SZT2: variants seen among roughly 807,000 people sequenced by gnomAD.
SZT2 encodes SZT2 subunit of KICSTOR complex.
Under a neutral mutation model 404.2 loss-of-function variants are expected in SZT2, and 216 were observed. The ratio of observed to expected loss-of-function variants is 0.53; its 90% confidence interval spans 0.48 to 0.60. The LOEUF (loss-of-function observed/expected upper bound fraction) is 0.60, where lower values mean the gene tolerates loss of function less well. SZT2 is among the 20% of genes least tolerant of loss of function. The probability of loss-of-function intolerance (pLI) is 0.00; values close to 1 mark genes in which losing one functional copy is unlikely to be tolerated. For missense variants in SZT2, 3,857 were observed against 4,459.2 expected, an observed-to-expected ratio of 0.86 and a Z score of 3.85; for synonymous variants, 1,693 against 1,749.9, an observed-to-expected ratio of 0.97 and a Z score of 0.81.
At position 43,425,115 on chromosome 1, in the gene SZT2, T is replaced by A. The variant is rs749513829; in HGVS notation, c.2553T>A (p.Asn851Lys). The A allele has an allele frequency of 2.5e-6, 4 of 1,614,172 alleles. No individual in the cohort carries two copies. The highest frequency in any genetic ancestry group is 3.4e-6 in the Non-Finnish European group (4 of 1,180,006). ...AAGATCTCCCATTTTGCCCACAGAA[T>A]GAACCACCAGGGCAGGCTGCAGCTG... ...INMVLELPIQNEPPGQAAAEE... is the reference protein window; with the variant it reads ...INMVLELPIQKEPPGQAAAEE... Residue 851 changes from asparagine to lysine, a missense_variant and splice_region_variant, in exon 18 of 72, where the codon AAT (asparagine) becomes AAA (lysine). Coordinates refer to ENST00000634258, the MANE Select transcript of SZT2 (RefSeq NM_001365999.1). The surrounding 1 kb of genome is among the most constrained non-coding windows in gnomAD (Gnocchi z 4.3).
At chr1:43,417,116 G>A (rs887511937) in intron 7 of SZT2, among the ~76,000 whole-genome samples, 4 of 152,172 alleles carry the variant, frequency 2.6e-5, no homozygotes, top group African/African-American at 7.2e-5. Flanking sequence ...TTATTAATGA[G>A]GTTAAGCATG....
chr1:43,438,236 G>A (rs932264575), intron 46 of SZT2: 2 of 364,416 alleles, frequency 5.5e-6, no homozygotes, highest in Non-Finnish European at 1.0e-5. Context: ...GGGAAGGGGA[G>A]CTGGGGTGGC....
chr1:43,401,642 C>T (rs1233706552), intron 1 of SZT2, among the ~76,000 whole-genome samples: 4 of 152,078 alleles, frequency 2.6e-5, no homozygotes, highest in South Asian at 2.1e-4. Flanking sequence ...CCTGCCACCA[C>T]GCCTAGCTAA....
intron 34 of SZT2, 28 bp from the exon 35 acceptor site, chr1:43,431,432 C>G: frequency 1.2e-6 from 2 of 1,613,964 alleles, no homozygotes; most frequent in Non-Finnish European, 1.7e-6. Context: ...TTTCTGGAAA[C>G]CAATATCTAA....
At chr1:43,444,881 G>C (rs929160157) in intron 62 of SZT2, among the ~76,000 whole-genome samples, 1 of 152,132 alleles carries the variant, frequency 6.6e-6, no homozygotes. Context: ...TCTGTTTTCA[G>C]TTAGAACCTT....
In SZT2 at chr1:43,425,456, G is replaced by A; in HGVS notation, c.2646-18G>A. 6.2e-7 allele frequency: 1 copy of A among 1,613,890 alleles called. No homozygotes were observed. Reference sequence around the variant, plus strand: ...GCCATGAGGCTGTGCATTGGACTCAGAGCCCTTCCTCCTTTAGCTTCTCGA... The same window carrying A: ...GCCATGAGGCTGTGCATTGGACTCAAAGCCCTTCCTCCTTTAGCTTCTCGA... On this transcript the variant is annotated intron_variant, in intron 18 of 71. Transcript: ENST00000634258. This position sits in a 1 kb window ranked among gnomAD's most constrained non-coding sequence, Gnocchi z 4.3.
rs748614080 is a variant in SZT2 at position 43,434,401 on chromosome 1, G to A, written c.5820G>A (p.Glu1940=). The stretch of plus-strand genomic sequence containing the variant: ...TCCTTCCCAGGAGCCTGATTCGGGA[G>A]GATGGGGGGCCGGGCACTGAGTGTC... ...VYAHARSLIR[E]DGGPGTECRH... is the part of the protein sequence containing the mutation. The change falls in exon 41 of 72, where the codon GAG becomes GAA. Residue 1940 remains glutamate, a synonymous_variant. Transcript: ENST00000634258. 3.1e-6 allele frequency: 5 copies of A among 1,595,658 alleles called. No homozygotes were observed. The highest frequency in any genetic ancestry group is 1.3e-5 in the African/African-American group (1 of 74,966).
chr1:43,447,754 AC>A (rs1206910120), intron 67 of SZT2, 56 bp downstream of exon 67: 1 of 1,610,484 alleles, frequency 6.2e-7, no homozygotes, highest in Non-Finnish European at 8.5e-7. Context: ...GTTGGGACAT[AC>A]TTGCAGTAGG....
chr1:43,430,417 G>A (rs748970210), intron 31 of SZT2, 28 bp downstream of exon 31: 1 of 1,604,144 alleles, frequency 6.2e-7, no homozygotes, highest in Non-Finnish European at 8.5e-7. Context: ...TCAAGGTGGG[G>A]AAGGCTGGCT....
Position 43,437,422 on chromosome 1 carries a change from C to T in SZT2, c.6204C>T (p.Arg2068=). ...TTCCCCCAGCCATCCAGGCCCTGCGCTCTGTGCTCAATGCCTTCTCTGTGG... is the reference window on the plus strand; with the variant it reads ...TTCCCCCAGCCATCCAGGCCCTGCGTTCTGTGCTCAATGCCTTCTCTGTGG... ...MGVSRAIQAL[R]SVLNAFSVVN... Residue 2068 remains arginine, a synonymous_variant, in exon 44 of 72, where the codon CGC becomes CGT. Coordinates refer to ENST00000634258, the MANE Select transcript of SZT2 (RefSeq NM_001365999.1). The surrounding 1 kb of genome is among the most constrained non-coding windows in gnomAD (Gnocchi z 5.3). 4 of 1,614,172 alleles carry T rather than the reference C, an allele frequency of 2.5e-6. No homozygotes were observed. The highest frequency in any genetic ancestry group is 1.1e-5 in the South Asian group (1 of 91,072).
chr1:43,415,134 A>C lies in SZT2; in HGVS notation c.551A>C (p.Gln184Pro). 6.3e-7 allele frequency: 1 copy of C among 1,598,114 alleles called. No individual in the cohort carries two copies. The highest frequency in any genetic ancestry group is 8.5e-7 in the Non-Finnish European group (1 of 1,179,600). Residue 184 changes from glutamine to proline, a missense_variant, in exon 5 of 72, where the codon CAG (glutamine) becomes CCG (proline). Around this residue, in one of 7 missense-constraint regions of SZT2, gnomAD observed 536 missense variants for 637.4 expected, o/e 0.84. Transcript: ENST00000634258. ...CCTTCCCAGCGGGAGGTGTTCCTGC[A>C]GCAGATATATGAGCAGCTCTGCCTC... The part of the protein sequence containing the change: ...LDPSQREVFL[Q>P]QIYEQLCLFE...
Position 43,443,463 on chromosome 1 carries a change from C to A in SZT2, c.8611C>A (p.Pro2871Thr). 3 of 1,614,188 alleles carry A rather than the reference C, an allele frequency of 1.9e-6. No homozygotes were observed. The highest frequency in any genetic ancestry group is 2.5e-6 in the Non-Finnish European group (3 of 1,180,014). The change falls in exon 61 of 72, where the codon CCC (proline) becomes ACC (threonine). Residue 2871 changes from proline (P) to threonine (T), a missense_variant. Pro to Thr is a conservative substitution (Grantham distance 38). Around this residue, in one of 7 missense-constraint regions of SZT2, gnomAD observed 717 missense variants for 868.2 expected, o/e 0.83. Coordinates refer to ENST00000634258, the MANE Select transcript of SZT2 (RefSeq NM_001365999.1). ...GCATGGGCCCCCAGAGACCTCTGGA[C>A]CCCCTGACGGGCAGGTAAGGCTGAC... ...WLHGPPETSGPPDGQRRHRPE... is the reference protein window; with the variant it reads ...WLHGPPETSGTPDGQRRHRPE...
rs774175486 is a variant in SZT2 at position 43,426,706 on chromosome 1, C to G, written c.3215-9C>G. The G allele has an allele frequency of 3.7e-6, 6 of 1,602,070 alleles. No individual in the cohort carries two copies. The highest frequency in any genetic ancestry group is 5.1e-6 in the Non-Finnish European group (6 of 1,174,008). ...TGCCCTCTTTCACCCATCTCTACCC[C>G]CATTGTAGGTGCCGAGGGGCCACTG... On this transcript the variant is annotated splice_polypyrimidine_tract_variant and intron_variant, in intron 22 of 71. Coordinates refer to ENST00000634258, the MANE Select transcript of SZT2 (RefSeq NM_001365999.1). The surrounding 1 kb of genome is among the most constrained non-coding windows in gnomAD (Gnocchi z 4.9).
chr1:43,415,986 G>A lies in SZT2; in HGVS notation c.657G>A (p.Gly219=). 6.3e-7 allele frequency: 1 copy of A among 1,597,988 alleles called. No homozygotes were observed. Reference sequence around the variant, plus strand: ...CAGAAGACCAGTCCCCAGACTCAGGGGACCTACTGGGCCGGAAGGTAGGCG... The same window carrying A: ...CAGAAGACCAGTCCCCAGACTCAGGAGACCTACTGGGCCGGAAGGTAGGCG... ...SQAEDQSPDS[G]DLLGRKVGVS... The change falls in exon 6 of 72, where the codon GGG becomes GGA. Residue 219 remains glycine (G), a synonymous_variant. Transcript: ENST00000634258.
Position 43,451,273 on chromosome 1 carries a change from A to T in SZT2, c.*793A>T, listed in dbSNP as rs1393023687. 1.2e-6 allele frequency: 2 copies of T among 1,613,830 alleles called. No individual in the cohort carries two copies. Among genetic ancestry groups the T allele is most frequent in the Non-Finnish European group, 1.7e-6 (2 of 1,179,758 alleles). ...GCCTCTGGGTGGCCCCGCCTATCCC[A>T]GTATGAACGTAGCCAACTCAAGCCC... On this transcript the variant is annotated 3_prime_UTR_variant, in exon 72 of 72. Transcript: ENST00000634258.
chr1:43,434,327 T>C (rs1654236814), intron 40 of SZT2, 59 bp from the exon 41 acceptor site: 1 of 1,405,576 alleles, frequency 7.1e-7, no homozygotes, highest in Non-Finnish European at 9.8e-7. Context: ...ATACATATCA[T>C]GCCATTACAT....
intron 5 of SZT2, among the ~76,000 whole-genome samples, chr1:43,415,468 A>G (rs1557532210): frequency 6.6e-6 from 1 of 152,092 alleles, no homozygotes; most frequent in African/African-American, 2.4e-5. Flanking sequence ...GATCTCCTCC[A>G]GTGGATCTGA....
intron 5 of SZT2, among the ~76,000 whole-genome samples, chr1:43,415,723 TC>T (rs1265817856): frequency 1.3e-5 from 2 of 152,180 alleles, no homozygotes; most frequent in Non-Finnish European, 2.9e-5. Context: ...AAGCCCTACT[TC>T]AGTACAGTCT....
rs1487665967 is a variant in SZT2 at position 43,403,163 on chromosome 1, C to T, written c.28-14C>T. The T allele has an allele frequency of 5.6e-6, 9 of 1,613,502 alleles. No homozygotes were observed. The highest frequency in any genetic ancestry group is 7.6e-6 in the Non-Finnish European group (9 of 1,179,652). ...CCATTTTTTAAAGATGTATTAATGT[C>T]TCTTTGTTCCCAGGTGGAAGAAGCT... On this transcript the variant is annotated splice_polypyrimidine_tract_variant and intron_variant, in intron 1 of 71. Coordinates refer to ENST00000634258, the MANE Select transcript of SZT2 (RefSeq NM_001365999.1).
Sources: allele counts gnomAD v4.1 joint callset (sites outside exome capture counted in the v4.1 genomes callset), GRCh38; gene constraint gnomAD v4.1.1; regional missense constraint gnomAD v4.1.1; non-coding constraint Gnocchi (gnomAD v3.1); transcripts MANE v1.5; gene names NCBI Gene and HGNC (gene_info 2026-07-23, HGNC 2026-07-21).